Variants in DNAH2 observed in about 807,000 individuals in gnomAD.
DNAH2 encodes axonemal beta dynein heavy chain 2.
In DNAH2, 323 loss-of-function variants were observed where a neutral mutation model predicts 523.5. That is an observed-to-expected ratio of 0.62 (90% confidence interval 0.56 to 0.68). The LOEUF (loss-of-function observed/expected upper bound fraction) is 0.68, where lower values mean the gene tolerates loss of function less well. Ranked by LOEUF, DNAH2 falls within the 30% of genes least tolerant of loss-of-function variation. DNAH2 has a pLI of 0.00. For missense variants in DNAH2, 4,907 were observed against 5,701.5 expected (o/e 0.86, Z 4.49); for synonymous variants, 2,093 against 2,177.4 (o/e 0.96, Z 1.08).
At chr17:7,759,214 T>C (rs2075934945) in intron 15 of DNAH2, 90 bp downstream of exon 15, 2 of 1,560,072 alleles carry the variant, frequency 1.3e-6, no homozygotes, top group Admixed American at 1.8e-5. Context: ...GACCCTTTTT[T>C]CTTTTTTACC....
intron 20 of DNAH2, among the ~76,000 whole-genome samples, chr17:7,764,613 A>G (rs2151205949): frequency 6.6e-6 from 1 of 151,522 alleles, no homozygotes; most frequent in Non-Finnish European, 1.5e-5. Flanking sequence ...GGCACACGCC[A>G]CCACGCCTTG....
intron 63 of DNAH2, among the ~76,000 whole-genome samples, chr17:7,814,240 G>T (rs1449203675): frequency 7.1e-6 from 1 of 141,728 alleles, no homozygotes; most frequent in Non-Finnish European, 1.5e-5. Context: ...ATATGACAAA[G>T]ATTTTATTAG....
chr17:7,821,453 A>T lies in DNAH2; in HGVS notation c.11142+84A>T. On this transcript the variant is annotated intron_variant, in intron 73 of 85. Coordinates refer to ENST00000572933, the MANE Select transcript of DNAH2 (RefSeq NM_020877.5). This position sits in a 1 kb window ranked among gnomAD's most constrained non-coding sequence, Gnocchi z 5.0. Reference sequence around the variant, plus strand: ...AGTGTGACAAGGACTCCAGACCCAGAGGGTCAGGCCCACAGCATCAGTGAG... The same window carrying T: ...AGTGTGACAAGGACTCCAGACCCAGTGGGTCAGGCCCACAGCATCAGTGAG... The T allele has an allele frequency of 1.3e-6, 2 of 1,485,190 alleles. No homozygotes were observed. The highest frequency in any genetic ancestry group is 1.8e-6 in the Non-Finnish European group (2 of 1,103,832). 92.0% of individuals were successfully genotyped at this position (1,485,190 alleles called of 1,614,324 possible).
At chr17:7,830,904 C>T in intron 79 of DNAH2, 62 bp downstream of exon 79, 1 of 1,600,852 alleles carries the variant, frequency 6.2e-7, no homozygotes, top group Admixed American at 1.7e-5. Flanking sequence ...GTGGTGGGAT[C>T]AGGGGTGGGG....
rs543107357 is a variant in DNAH2 at position 7,782,247 on chromosome 17, C to T, written c.6129+1080C>T. On this transcript the variant is annotated intron_variant, in intron 39 of 85. Coordinates refer to ENST00000572933, the MANE Select transcript of DNAH2 (RefSeq NM_020877.5). ...GCAACATCCCCAGTAGATGGAAAAA[C>T]GAGAAGTCTGAGATTTAGAAGCGTA... Among the ~76,000 whole-genome samples, 6 of 152,260 alleles carry T rather than the reference C, an allele frequency of 3.9e-5. No individual in the cohort carries two copies. In the East Asian group the frequency reaches 5.8e-4, roughly 15 times the overall value.
chr17:7,773,062 C>T (rs532355912), intron 28 of DNAH2, among the ~76,000 whole-genome samples: 1 of 152,322 alleles, frequency 6.6e-6, no homozygotes, highest in African/African-American at 2.4e-5. Context: ...GCATGAGCCA[C>T]CACACCCAGC....
chr17:7,770,826 G>A lies in DNAH2; in HGVS notation c.4255G>A (p.Val1419Ile). 6.2e-7 allele frequency: 1 copy of A among 1,614,190 alleles called. No individual in the cohort carries two copies. Among genetic ancestry groups the A allele is most frequent in the Non-Finnish European group, 8.5e-7 (1 of 1,180,026 alleles). ...ALSTMKASRF[V>I]KAFEKDVDHW... ...GTCTACCATGAAGGCATCACGCTTT[G>A]TCAAGGCCTTTGAGAAGGATGTGGA... The change falls in exon 27 of 86, where the codon GTC becomes ATC. Residue 1419 changes from valine to isoleucine, a missense_variant. Coordinates refer to ENST00000572933, the MANE Select transcript of DNAH2 (RefSeq NM_020877.5).
chr17:7,734,956 AG>A (rs573201202), intron 7 of DNAH2, among the ~76,000 whole-genome samples: 3 of 151,972 alleles, frequency 2.0e-5, no homozygotes, highest in Non-Finnish European at 4.4e-5. Context: ...CCTGCCACCC[AG>A]CTGGGAAAAT....
Position 7,775,249 on chromosome 17 carries a change from G to A in DNAH2, c.4728G>A (p.Gly1576=), listed in dbSNP as rs767021124. The change falls in exon 30 of 86, where the codon GGG becomes GGA. Residue 1576 remains glycine (G), a synonymous_variant. Coordinates refer to ENST00000572933, the MANE Select transcript of DNAH2 (RefSeq NM_020877.5). The stretch of plus-strand genomic sequence containing the variant: ...GCTTCTGCTTTCTGCAGGTTGGAGG[G>A]CCCAGCAGCAAATGGGAAGCTGTGG... ...IKLLRIQKVG[G]PSSKWEAVGM... The A allele has an allele frequency of 1.9e-6, 3 of 1,612,864 alleles. No homozygotes were observed. In the South Asian group the frequency reaches 3.3e-5, roughly 18 times the overall value.
chr17:7,750,133 C>A (rs2075644309), intron 12 of DNAH2, among the ~76,000 whole-genome samples: 1 of 152,180 alleles, frequency 6.6e-6, no homozygotes, highest in African/African-American at 2.4e-5. Flanking sequence ...ATCCACACAC[C>A]TCAGCCTCCC....
intron 79 of DNAH2, 67 bp downstream of exon 79, chr17:7,830,909 G>A (rs1437189173): frequency 1.3e-6 from 2 of 1,597,688 alleles, no homozygotes; most frequent in Non-Finnish European, 8.5e-7. Flanking sequence ...GGGATCAGGG[G>A]TGGGGGTAAT....
intron 63 of DNAH2, among the ~76,000 whole-genome samples, chr17:7,810,819 G>A (rs1350623373): frequency 6.6e-6 from 1 of 152,174 alleles, no homozygotes; most frequent in South Asian, 2.1e-4. Context: ...GAACCTACCA[G>A]AGATGGGAAA....
At chr17:7,833,270 A>G (rs1221537852) in intron 85 of DNAH2, 49 bp downstream of exon 85, 1 of 1,606,872 alleles carries the variant, frequency 6.2e-7, no homozygotes. Flanking sequence ...CCTAGTTTGG[A>G]ACTTAACCCA....
chr17:7,758,376 C>G, intron 13 of DNAH2, 119 bp from the exon 14 acceptor site: 1 of 1,301,868 alleles, frequency 7.7e-7, no homozygotes, highest in Non-Finnish European at 1.0e-6. Context: ...AGTCTAGAAT[C>G]TAGTCTAGAA....
chr17:7,817,127 G>A (rs953617393), intron 64 of DNAH2, among the ~76,000 whole-genome samples, 163 bp from the exon 65 acceptor site: 1 of 152,206 alleles, frequency 6.6e-6, no homozygotes, highest in Non-Finnish European at 1.5e-5. Flanking sequence ...GAACTCAAAA[G>A]TAATTAGAAC....
At chr17:7,773,257 T>C (rs1412926097) in intron 28 of DNAH2, among the ~76,000 whole-genome samples, 1 of 152,208 alleles carries the variant, frequency 6.6e-6, no homozygotes, top group African/African-American at 2.4e-5. Flanking sequence ...TCCTTGCAGA[T>C]TTCTTTCACT....
intron 52 of DNAH2, 74 bp downstream of exon 52, chr17:7,797,604 G>C: frequency 2.5e-6 from 4 of 1,613,824 alleles, no homozygotes; most frequent in Non-Finnish European, 3.4e-6. Context: ...CAGGGCATGG[G>C]GTCTGAAGTG....
chr17:7,773,326 A>T (rs1428672575), intron 28 of DNAH2, among the ~76,000 whole-genome samples: 1 of 152,158 alleles, frequency 6.6e-6, no homozygotes, highest in Non-Finnish European at 1.5e-5. Flanking sequence ...GTGTAAGTGG[A>T]GGGTAATCTC....
In DNAH2 at chr17:7,798,174, G is replaced by A. The variant is rs770744464; in HGVS notation, c.8248G>A (p.Val2750Ile). The A allele has an allele frequency of 8.7e-6, 14 of 1,605,836 alleles. No individual in the cohort carries two copies. Among genetic ancestry groups the A allele is most frequent in the Non-Finnish European group, 1.1e-5 (13 of 1,173,604 alleles). Residue 2750 changes from valine to isoleucine, a missense_variant, in exon 54 of 86, where the codon GTC (valine) becomes ATC (isoleucine). By Grantham distance (29) the Val-to-Ile change is conservative. This residue lies in a region of DNAH2 where 250 missense variants were observed against 371.3 expected (regional missense o/e 0.67). Coordinates refer to ENST00000572933, the MANE Select transcript of DNAH2 (RefSeq NM_020877.5). The surrounding 1 kb of genome is among the most constrained non-coding windows in gnomAD (Gnocchi z 5.5). Reference protein sequence around the residue: ...AIEHITRIVRVIGQPRGNMLL... With the variant: ...AIEHITRIVRIIGQPRGNMLL... ...ACCCCCAGTCACACGGATCGTGCGG[G>A]TCATTGGACAGCCTCGGGGCAACAT... is the stretch of plus-strand genomic sequence containing the variant.
Sources: allele counts gnomAD v4.1 joint callset (sites outside exome capture counted in the v4.1 genomes callset), GRCh38; gene constraint gnomAD v4.1.1; regional missense constraint gnomAD v4.1.1; non-coding constraint Gnocchi (gnomAD v3.1); transcripts MANE v1.5; gene names NCBI Gene and HGNC (gene_info 2026-07-23, HGNC 2026-07-21).